Variants in KIAA1328 observed in about 807,000 individuals in gnomAD.
KIAA1328 encodes the protein protein hinderin.
A neutral mutation model predicts 68.1 loss-of-function variants in KIAA1328; 52 were observed. The observed-to-expected ratio is 0.76, with a 90% CI of 0.61 to 0.96. The LOEUF (loss-of-function observed/expected upper bound fraction) is 0.96. KIAA1328 is among the 40% of genes least tolerant of loss of function. KIAA1328 has a pLI of 0.00. For synonymous variants in KIAA1328, 232 were observed against 239.4 expected (o/e 0.97, Z 0.28); for missense variants, 641 against 677.6 (o/e 0.95, Z 0.60).
intron 5 of KIAA1328, among the ~76,000 whole-genome samples, chr18:36,911,672 G>T (rs1282024246): frequency 6.6e-6 from 1 of 152,094 alleles, no homozygotes; most frequent in Non-Finnish European, 1.5e-5. Context: ...CTGGAAAAAA[G>T]TACAAGACCT....
At chr18:37,084,620 A>G (rs1295099747) in intron 7 of KIAA1328, among the ~76,000 whole-genome samples, 2 of 152,030 alleles carry the variant, frequency 1.3e-5, no homozygotes, top group Non-Finnish European at 2.9e-5. Context: ...TTCATTCAAC[A>G]AATACGTATT....
intron 5 of KIAA1328, chr18:36,895,826 C>A (rs1409670426): frequency 6.6e-6 from 3 of 455,152 alleles, no homozygotes; most frequent in South Asian, 4.7e-5. Context: ...TGACTGTTGT[C>A]CTAGAAGAAG....
Position 36,844,240 on chromosome 18 carries a change from A to G in KIAA1328, c.270A>G (p.Ser90=). The part of the protein sequence containing the change: ...NSCRGEIKSA[S]LKDLCLEDKR... Reference sequence around the variant, plus strand: ...GCAGGGGAGAAATAAAGAGTGCATCATTGAAGGATTTATGTCTTGAAGACA... The same window carrying G: ...GCAGGGGAGAAATAAAGAGTGCATCGTTGAAGGATTTATGTCTTGAAGACA... The change falls in exon 4 of 10, where the codon TCA becomes TCG. Residue 90 remains serine (S), a synonymous_variant. Coordinates refer to ENST00000280020, the MANE Select transcript of KIAA1328 (RefSeq NM_020776.3). 6.2e-7 allele frequency: 1 copy of G among 1,606,598 alleles called. No individual in the cohort carries two copies. Among genetic ancestry groups the G allele is most frequent in the African/African-American group, 1.3e-5 (1 of 74,668 alleles).
intron 5 of KIAA1328, among the ~76,000 whole-genome samples, chr18:36,886,675 G>C (rs1403557143): frequency 6.6e-6 from 1 of 152,180 alleles, no homozygotes; most frequent in Non-Finnish European, 1.5e-5. Context: ...TAGAAGAGAA[G>C]TCCCTAAAGT....
At chr18:36,833,554 C>T (rs1023515436) in intron 1 of KIAA1328, among the ~76,000 whole-genome samples, 1 of 152,124 alleles carries the variant, frequency 6.6e-6, no homozygotes, top group Admixed American at 6.5e-5. Context: ...AATGACATAA[C>T]TATTAAAATG....
intron 6 of KIAA1328, among the ~76,000 whole-genome samples, chr18:36,971,968 C>T (rs1422653159): frequency 6.6e-6 from 1 of 152,096 alleles, no homozygotes; most frequent in Non-Finnish European, 1.5e-5. Flanking sequence ...CACAAGTTTA[C>T]CTATATAACA....
chr18:37,228,335 C>T (rs1460185847), downstream of KIAA1328, among the ~76,000 whole-genome samples: 3 of 152,184 alleles, frequency 2.0e-5, no homozygotes, highest in Non-Finnish European at 4.4e-5. Context: ...AGATGTTCTA[C>T]AGTGGGTAAA....
At chr18:36,835,138 TC>T in intron 2 of KIAA1328, 95 bp from the exon 3 acceptor site, 1 of 911,240 alleles carries the variant, frequency 1.1e-6, no homozygotes, top group Non-Finnish European at 1.6e-6. Context: ...CTCCATCAGG[TC>T]CCTTAAAGTA....
At chr18:37,066,718 T>G (rs763041001) in intron 6 of KIAA1328, 172 bp from the exon 7 acceptor site, 1 of 584,584 alleles carries the variant, frequency 1.7e-6, no homozygotes, top group Non-Finnish European at 2.9e-6. Flanking sequence ...TGAAAATGGA[T>G]GTAGCTTTGG....
At chr18:36,975,215 C>T (rs1439975683) in intron 6 of KIAA1328, among the ~76,000 whole-genome samples, 1 of 143,134 alleles carries the variant, frequency 7.0e-6, no homozygotes, top group Non-Finnish European at 1.5e-5. Context: ...CGGAGTCTCG[C>T]TCTGTCGCCC....
chr18:37,135,543 T>C (rs1377346088), intron 7 of KIAA1328, among the ~76,000 whole-genome samples: 2 of 152,212 alleles, frequency 1.3e-5, no homozygotes, highest in Non-Finnish European at 2.9e-5. Context: ...GGTTGTTTTT[T>C]GCTTGTTTAA....
intron 5 of KIAA1328, among the ~76,000 whole-genome samples, chr18:36,939,482 A>AT (rs2050627091): frequency 1.3e-5 from 2 of 151,836 alleles, no homozygotes; most frequent in South Asian, 4.2e-4. Flanking sequence ...TCAGCTCTAA[A>AT]TTTTTTTTGG....
intron 5 of KIAA1328, among the ~76,000 whole-genome samples, chr18:36,899,931 A>AAGAATGAAAT: frequency 6.6e-6 from 1 of 152,106 alleles, no homozygotes; most frequent in South Asian, 2.1e-4. Context: ...GCTTGTGGCC[A>AAGAATGAAAT]AGAATGAAAT....
In KIAA1328 at chr18:37,052,154, T is replaced by A. The variant is rs543742775; in HGVS notation, c.577-14736T>A. Among the ~76,000 whole-genome samples, 22 of 151,964 alleles carry A rather than the reference T, an allele frequency of 1.4e-4. 1 individual carries two copies. In the South Asian group the frequency reaches 4.6e-3, roughly 32 times the overall value. On this transcript the variant is annotated intron_variant, in intron 6 of 9. Coordinates refer to ENST00000280020, the MANE Select transcript of KIAA1328 (RefSeq NM_020776.3). ...ACATCAAAAGGATAATTTATCACAA[T>A]CAAGTGGATTTTATTCCTGAGATGC...
At chr18:36,969,789 C>T (rs1410796607) in intron 6 of KIAA1328, among the ~76,000 whole-genome samples, 1 of 152,122 alleles carries the variant, frequency 6.6e-6, no homozygotes. Context: ...TTCTATGAGG[C>T]CAACATTATC....
At chr18:37,024,981 T>C (rs2151548149) in intron 6 of KIAA1328, among the ~76,000 whole-genome samples, 1 of 152,302 alleles carries the variant, frequency 6.6e-6, no homozygotes, top group South Asian at 2.1e-4. Context: ...TGAACAAGTT[T>C]ACAGTCCCAG....
intron 4 of KIAA1328, among the ~76,000 whole-genome samples, chr18:36,876,286 A>T (rs1360552410): frequency 5.3e-5 from 8 of 152,018 alleles, no homozygotes; most frequent in African/African-American, 7.2e-5. Context: ...GCTGTCAATC[A>T]GTCTGGTCCT....
chr18:37,219,162 A>G (rs576292802), intron 9 of KIAA1328, among the ~76,000 whole-genome samples: 1 of 152,284 alleles, frequency 6.6e-6, no homozygotes, highest in African/African-American at 2.4e-5. Context: ...AACCGCAAAT[A>G]TTGCAGAACT....
intron 1 of KIAA1328, chr18:36,829,511 C>G: frequency 9.1e-7 from 1 of 1,100,436 alleles, no homozygotes; most frequent in Non-Finnish European, 1.1e-6. Flanking sequence ...GGTCCCTCTG[C>G]CCACCCTGTC....
Sources: allele counts gnomAD v4.1 joint callset (sites outside exome capture counted in the v4.1 genomes callset), GRCh38; gene constraint gnomAD v4.1.1; transcripts MANE v1.5; gene names NCBI Gene and HGNC (gene_info 2026-07-23, HGNC 2026-07-21).